Variants in ORC2 observed in about 807,000 individuals in gnomAD.
The protein encoded by ORC2 is origin recognition complex protein 2 homolog.
ORC2 carries 37 observed loss-of-function variants against 77.7 expected under a neutral mutation model. The observed-to-expected ratio is 0.48, with a 90% confidence interval of 0.37 to 0.63. ORC2 has a LOEUF of 0.63. ORC2 is among the 20% of genes least tolerant of loss of function. The pLI, the probability that ORC2 is intolerant of heterozygous loss-of-function variation, is 0.00. For missense variants in ORC2, 557 were observed against 661.9 expected (o/e 0.84, Z 1.74); for synonymous variants, 201 against 229.5 (o/e 0.88, Z 1.12).
At chr2:200,947,184 G>A (rs553382582) in intron 5 of ORC2, among the ~76,000 whole-genome samples, 14 of 151,724 alleles carry the variant, frequency 9.2e-5, no homozygotes, top group Non-Finnish European at 1.9e-4. Context: ...TTACAGGAGC[G>A]AGCCACCGCG....
chr2:200,923,208 T>C lies in ORC2; in HGVS notation c.1148-2069A>G, dbSNP rs114490569. On this transcript the variant is annotated intron_variant, in intron 13 of 17. Transcript: ENST00000234296. ...ACAGGGTTAGGTTCAATATATAACT[T>C]TGTTTTATGTGTGTTTCTGTTTAAA... is the stretch of plus-strand genomic sequence containing the variant. Among the ~76,000 whole-genome samples the C allele has an allele frequency of 8.4e-3, 1,272 of 152,254 alleles. 10 individuals carry two copies. The highest frequency in any genetic ancestry group is 0.01 in the Admixed American group (158 of 15,284).
intron 5 of ORC2, among the ~76,000 whole-genome samples, chr2:200,945,658 T>C (rs978846268): frequency 1.3e-5 from 2 of 152,242 alleles, no homozygotes; most frequent in African/African-American, 4.8e-5. Context: ...TTCATCTGTA[T>C]TGTATTTTAC....
chr2:200,946,094 C>T (rs904933068), intron 5 of ORC2, among the ~76,000 whole-genome samples: 13 of 152,196 alleles, frequency 8.5e-5, no homozygotes, highest in African/African-American at 3.1e-4. Flanking sequence ...TCCTATCTAA[C>T]TTATAGTCTA....
intron 15 of ORC2, among the ~76,000 whole-genome samples, chr2:200,917,940 C>T (rs1415724186): frequency 6.7e-6 from 1 of 149,790 alleles, no homozygotes; most frequent in East Asian, 2.0e-4. Context: ...CCTGTGTACA[C>T]TCTCCTCTAT....
At chr2:200,945,176 A>G (rs2125009970) in intron 5 of ORC2, among the ~76,000 whole-genome samples, 1 of 152,306 alleles carries the variant, frequency 6.6e-6, no homozygotes, top group African/African-American at 2.4e-5. Flanking sequence ...GCATGTGTAC[A>G]GTTTTTATTC....
intron 10 of ORC2, among the ~76,000 whole-genome samples, chr2:200,932,069 G>A (rs892683643): frequency 6.6e-6 from 1 of 152,038 alleles, no homozygotes; most frequent in African/African-American, 2.4e-5. Context: ...CTGAAGATTA[G>A]AGTTGCGATA....
intron 13 of ORC2, among the ~76,000 whole-genome samples, chr2:200,923,865 C>A (rs982661286): frequency 6.6e-6 from 1 of 152,112 alleles, no homozygotes. Context: ...TGTTTGACCT[C>A]GGCTTAGAAT....
Position 200,955,966 on chromosome 2 carries a change from A to G in ORC2, c.238+1435T>C, listed in dbSNP as rs1260541118. ...AATACCAGCATCCCTGGGTTAGAACACTACTTCTTGAAATGCTCCTCCTAG... is the reference window on the plus strand; with the variant it reads ...AATACCAGCATCCCTGGGTTAGAACGCTACTTCTTGAAATGCTCCTCCTAG... On this transcript the variant is annotated intron_variant, in intron 4 of 17. Transcript: ENST00000234296. 3.3e-5 allele frequency among the ~76,000 whole-genome samples: 5 copies of G among 152,242 alleles called. No individual in the cohort carries two copies. The South Asian group carries it at 8.3e-4, about 25-fold the overall frequency.
intron 11 of ORC2, among the ~76,000 whole-genome samples, 190 bp from the exon 12 acceptor site, chr2:200,927,090 G>A (rs1005194159): frequency 4.6e-5 from 7 of 151,762 alleles, no homozygotes; most frequent in Non-Finnish European, 8.8e-5. Flanking sequence ...GTATATATAT[G>A]TATCTTTTTT....
rs1236815721 is a variant in ORC2 at position 200,926,868 on chromosome 2, C to T, written c.950G>A (p.Gly317Asp). ...LGFNIVLYGL[G>D]SKRDLLERFR... ...CCTTTCTAGTAAATCTCTCTTAGAA[C>T]CCAAACCATAAAGCACAATGTTGAA... is the stretch of plus-strand genomic sequence containing the variant. The change falls in exon 12 of 18, where the codon GGT (glycine) becomes GAT (aspartate). Residue 317 changes from glycine (G) to aspartate (D), a missense_variant. Coordinates refer to ENST00000234296, the MANE Select transcript of ORC2 (RefSeq NM_006190.5). The T allele has an allele frequency of 3.1e-6, 5 of 1,613,892 alleles. No homozygotes were observed. Among genetic ancestry groups the T allele is most frequent in the Non-Finnish European group, 3.4e-6 (4 of 1,179,878 alleles).
intron 9 of ORC2, 106 bp downstream of exon 9, chr2:200,935,593 A>G (rs2041026371): frequency 5.0e-6 from 4 of 806,870 alleles, no homozygotes; most frequent in Non-Finnish European, 7.6e-6. Context: ...AATATAGAAA[A>G]GTGAAGAAAA....
intron 13 of ORC2, among the ~76,000 whole-genome samples, chr2:200,923,499 C>T (rs1418264774): frequency 6.6e-6 from 1 of 152,100 alleles, no homozygotes. Context: ...ATCCACCTGC[C>T]TCGGCCTCCC....
rs1575169869 is a variant in ORC2 at position 200,938,407 on chromosome 2, G to T, written c.454-441C>A. 2.0e-5 allele frequency among the ~76,000 whole-genome samples: 3 copies of T among 152,174 alleles called. No homozygotes were observed. In the East Asian group the frequency reaches 5.8e-4, roughly 29 times the overall value. On this transcript the variant is annotated intron_variant, in intron 7 of 17. Coordinates refer to ENST00000234296, the MANE Select transcript of ORC2 (RefSeq NM_006190.5). Reference sequence around the variant, plus strand: ...AGGGAACGGGCACCCCTATGTATATGGCAATGGGCCTTTTAATGTGCTAGA... The same window carrying T: ...AGGGAACGGGCACCCCTATGTATATTGCAATGGGCCTTTTAATGTGCTAGA...
intron 1 of ORC2, 135 bp downstream of exon 1, chr2:200,963,355 G>T (rs1377486021): frequency 5.0e-6 from 2 of 398,038 alleles, no homozygotes; most frequent in East Asian, 3.6e-5. Context: ...AGTGCCGAGG[G>T]AAAGTCCTGA....
rs764198916 is a variant in ORC2, at chr2:200,957,429, A to G, written c.210T>C (p.Tyr70=). Residue 70 remains tyrosine, a synonymous_variant, in exon 4 of 18, where the codon TAT becomes TAC. Coordinates refer to ENST00000234296, the MANE Select transcript of ORC2 (RefSeq NM_006190.5). ...GAACATCTCTTCCCATAATTTCCAC[A>G]TAGTTCTGATCTTTTAAGACCTCCT... The part of the protein sequence containing the change: ...DDQEVLKDQN[Y]VEIMGRDVQE... 1.9e-6 allele frequency: 3 copies of G among 1,604,704 alleles called. No individual in the cohort carries two copies. The highest frequency in any genetic ancestry group is 2.2e-5 in the South Asian group (2 of 89,408).
chr2:200,941,117 C>T (rs1293431422), intron 7 of ORC2, 131 bp downstream of exon 7: 3 of 622,746 alleles, frequency 4.8e-6, no homozygotes, highest in Non-Finnish European at 8.1e-6. Flanking sequence ...AGGTATTTAA[C>T]TGCCAAATAT....
At chr2:200,937,839 T>A in intron 8 of ORC2, 67 bp downstream of exon 8, 1 of 1,049,428 alleles carries the variant, frequency 9.5e-7, no homozygotes, top group South Asian at 1.3e-5. Context: ...ACCTATATAC[T>A]TAACTATTAT....
chr2:200,912,712 G>A (rs1002057896), intron 17 of ORC2, among the ~76,000 whole-genome samples: 4 of 152,112 alleles, frequency 2.6e-5, no homozygotes, highest in South Asian at 2.1e-4. Context: ...GAGCCACCAC[G>A]CCTGGCCTCC....
rs2040512556 is a variant in ORC2, at chr2:200,909,067, A to G, written c.*2234T>C. 1 of 152,192 alleles carries G rather than the reference A, an allele frequency of 6.6e-6. No homozygotes were observed. Among genetic ancestry groups the G allele is most frequent in the Non-Finnish European group, 1.5e-5 (1 of 68,038 alleles). The allele number at this position is 152,192 out of a possible 1,614,324, so 9.4% of individuals were successfully genotyped here. ...TGCAAATAGTATAGACACAAAAATT[A>G]TAAAAATAAACCAGTAGATATTTAG... On this transcript the variant is annotated 3_prime_UTR_variant, in exon 18 of 18. Coordinates refer to ENST00000234296, the MANE Select transcript of ORC2 (RefSeq NM_006190.5).
Sources: gnomAD v4.1 joint callset for allele counts (sites outside exome capture counted in the v4.1 genomes callset) on GRCh38, gnomAD v4.1.1 for gene constraint, MANE v1.5 for transcripts, NCBI Gene and HGNC (gene_info 2026-07-23, HGNC 2026-07-21) for gene names.